Variants in RFX7 observed in about 807,000 individuals in gnomAD.
The protein encoded by RFX7 is regulatory factor X7.
RFX7 carries 26 observed loss-of-function variants against 111.8 expected under a neutral mutation model. The ratio of observed to expected loss-of-function variants is 0.23; its 90% CI spans 0.17 to 0.32. The LOEUF is 0.32. Ranked by LOEUF, RFX7 falls within the 10% of genes least tolerant of loss-of-function variation. The pLI is 1.00. For missense variants in RFX7, 1,573 were observed against 1,772.9 expected (o/e 0.89, Z 2.02); for synonymous variants, 624 against 624.4 (o/e 1.00, Z 0.01).
intron 5 of RFX7, among the ~76,000 whole-genome samples, chr15:56,134,861 AGT>A (rs1281950555): frequency 6.6e-6 from 1 of 151,844 alleles, no homozygotes; most frequent in African/African-American, 2.4e-5. Context: ...GAGAATATGC[AGT>A]GTTTGGTTTT....
chr15:56,235,923 T>C (rs1013902035), intron 2 of RFX7, among the ~76,000 whole-genome samples: 2 of 152,184 alleles, frequency 1.3e-5, no homozygotes, highest in African/African-American at 2.4e-5. Flanking sequence ...GTGTGTACCA[T>C]ATGGACTCAT....
At chr15:56,205,494 A>G (rs1429075990) in intron 2 of RFX7, among the ~76,000 whole-genome samples, 1 of 152,300 alleles carries the variant, frequency 6.6e-6, no homozygotes, top group Admixed American at 6.5e-5. Context: ...TCCCAGAGTG[A>G]TTTTACCCTT....
At chr15:56,108,640 A>G (rs2041863776) in intron 5 of RFX7, among the ~76,000 whole-genome samples, 1 of 152,228 alleles carries the variant, frequency 6.6e-6, no homozygotes, top group Non-Finnish European at 1.5e-5. Context: ...AACCGGCACA[A>G]GACAAGAATG....
At position 56,088,505 on chromosome 15, in the gene RFX7, T is replaced by C. The variant is rs1385502622; in HGVS notation, c.*4840A>G. 4 of 152,210 alleles carry C rather than the reference T, an allele frequency of 2.6e-5. No homozygotes were observed. The highest frequency in any genetic ancestry group is 5.9e-5 in the Non-Finnish European group (4 of 68,016). 9.4% of individuals were successfully genotyped at this position (152,210 alleles called of 1,614,324 possible). Reference sequence around the variant, plus strand: ...CCAAGAATTAAGTACTTCTTAAAAATCAAATCTTGAAAAATGTAGTCTTTT... The same window carrying C: ...CCAAGAATTAAGTACTTCTTAAAAACCAAATCTTGAAAAATGTAGTCTTTT... On this transcript the variant is annotated 3_prime_UTR_variant, in exon 10 of 10. Coordinates refer to ENST00000559447, the MANE Select transcript of RFX7 (RefSeq NM_022841.7).
chr15:56,173,557 G>C (rs76362038), intron 3 of RFX7, among the ~76,000 whole-genome samples: 10,095 of 152,270 alleles, frequency 0.066, 452 homozygotes, highest in Admixed American at 0.11. Context: ...ACGGCAAGTG[G>C]ATCAGATGAG....
chr15:56,137,733 C>A (rs192462835), intron 5 of RFX7, among the ~76,000 whole-genome samples: 1 of 151,988 alleles, frequency 6.6e-6, no homozygotes, highest in Non-Finnish European at 1.5e-5. Context: ...ATCTTTCCTG[C>A]ATTCTCTTGT....
chr15:56,244,642 AG>A (rs1249455257), upstream of RFX7, among the ~76,000 whole-genome samples: 1 of 80,640 alleles, frequency 1.2e-5, no homozygotes, highest in Non-Finnish European at 2.3e-5. Context: ...AATTCCACCC[AG>A]GCTCTAAAGC....
intron 2 of RFX7, among the ~76,000 whole-genome samples, chr15:56,200,091 CATT>C (rs2141179180): frequency 6.6e-6 from 1 of 152,242 alleles, no homozygotes; most frequent in South Asian, 2.1e-4. Flanking sequence ...GTCATAGAAA[CATT>C]ATATATTGTC....
chr15:56,121,957 A>G (rs1363946167), intron 5 of RFX7, among the ~76,000 whole-genome samples: 1 of 152,178 alleles, frequency 6.6e-6, no homozygotes, highest in Non-Finnish European at 1.5e-5. Context: ...CCCTCAAAAG[A>G]GCAATTCTGA....
In RFX7 at chr15:56,096,297, T is replaced by C. The variant is rs1174340444; in HGVS notation, c.1431A>G (p.Thr477=). 1.2e-6 allele frequency: 2 copies of C among 1,613,856 alleles called. No individual in the cohort carries two copies. Among genetic ancestry groups the C allele is most frequent in the Non-Finnish European group, 1.7e-6 (2 of 1,179,870 alleles). The stretch of plus-strand genomic sequence containing the variant: ...TACTGTTGCTGGGTGTGAGGGATAT[T>C]GTTGTCATTTTCACCACATTTAGAG... ...MSSLNVVKMT[T]ISLTPSNSNT... Residue 477 remains threonine (T), a synonymous_variant, in exon 10 of 10, where the codon ACA becomes ACG. Transcript: ENST00000559447.
intron 2 of RFX7, among the ~76,000 whole-genome samples, chr15:56,241,958 A>G (rs542077395): frequency 6.6e-6 from 1 of 152,338 alleles, no homozygotes; most frequent in African/African-American, 2.4e-5. Context: ...AAATAATGAA[A>G]ATTACTATAT....
chr15:56,094,186 G>C lies in RFX7; in HGVS notation c.3542C>G (p.Thr1181Ser), dbSNP rs766486055. Residue 1181 changes from threonine to serine, a missense_variant, in exon 10 of 10, where the codon ACC becomes AGC. Physicochemically the swap from Thr to Ser is moderately conservative, Grantham distance 58. This residue lies in a region of RFX7 where 411 missense variants were observed against 478.1 expected (regional missense o/e 0.86). Coordinates refer to ENST00000559447, the MANE Select transcript of RFX7 (RefSeq NM_022841.7). ...VHRQRNLSGS[T>S]LYPVSNIPRS... The stretch of plus-strand genomic sequence containing the variant: ...TGGGATATTAGATACTGGATAGAGG[G>C]TGCTTCCACTAAGATTACGTTGGCG... The C allele has an allele frequency of 5.0e-6, 8 of 1,613,838 alleles. No individual in the cohort carries two copies. The highest frequency in any genetic ancestry group is 1.3e-5 in the African/African-American group (1 of 74,908).
rs531388458 is a variant in RFX7, at chr15:56,194,758, A to G, written c.162-15455T>C. Among the ~76,000 whole-genome samples the G allele has an allele frequency of 6.6e-5, 10 of 152,266 alleles. No individual in the cohort carries two copies. In the South Asian group the frequency reaches 2.1e-3, roughly 32 times the overall value. On this transcript the variant is annotated intron_variant, in intron 2 of 9. Coordinates refer to ENST00000559447, the MANE Select transcript of RFX7 (RefSeq NM_022841.7). ...ATTCACTTACTTTGTCTTCTTAAAA[A>G]TAATGGATTCTGTTGGTAAGGATGG...
intron 5 of RFX7, among the ~76,000 whole-genome samples, chr15:56,104,129 C>T (rs375258416): frequency 8.5e-5 from 13 of 152,084 alleles, no homozygotes; most frequent in African/African-American, 1.7e-4. Flanking sequence ...AGGGACCCTA[C>T]GAATACACCA....
At chr15:56,112,568 G>A (rs1313840310) in intron 5 of RFX7, among the ~76,000 whole-genome samples, 1 of 152,048 alleles carries the variant, frequency 6.6e-6, no homozygotes, top group African/African-American at 2.4e-5. Flanking sequence ...GAAAATCTAG[G>A]CAATACCATT....
At chr15:56,107,597 GCTTT>G (rs1304373480) in intron 5 of RFX7, among the ~76,000 whole-genome samples, 4 of 152,062 alleles carry the variant, frequency 2.6e-5, no homozygotes, top group South Asian at 2.1e-4. Context: ...TTTTTTGAGT[GCTTT>G]CTTTGTGTTA....
chr15:56,147,159 G>A (rs555536192), intron 3 of RFX7, among the ~76,000 whole-genome samples: 90 of 152,228 alleles, frequency 5.9e-4, no homozygotes, highest in African/African-American at 2.1e-3. Flanking sequence ...AAATTCCTTT[G>A]GCTGGATTTA....
chr15:56,230,844 C>T (rs1342020304), intron 2 of RFX7, among the ~76,000 whole-genome samples: 1 of 152,126 alleles, frequency 6.6e-6, no homozygotes, highest in African/African-American at 2.4e-5. Context: ...CCTGTAATCC[C>T]AGCATTTTGG....
At chr15:56,120,993 A>G (rs1334076373) in intron 5 of RFX7, among the ~76,000 whole-genome samples, 4 of 152,168 alleles carry the variant, frequency 2.6e-5, no homozygotes, top group Non-Finnish European at 5.9e-5. Context: ...TAGTTCATCT[A>G]TTAGTCTTCC....
Sources: allele counts gnomAD v4.1 joint callset (sites outside exome capture counted in the v4.1 genomes callset), GRCh38; gene constraint gnomAD v4.1.1; regional missense constraint gnomAD v4.1.1; transcripts MANE v1.5; gene names NCBI Gene and HGNC (gene_info 2026-07-23, HGNC 2026-07-21).